The following UNKL variants were observed in gnomAD, a reference collection of about 807,000 sequenced individuals.
The protein encoded by UNKL is unk like zinc finger.
In UNKL, 60 loss-of-function variants were observed where a neutral mutation model predicts 78.0. The ratio of observed to expected loss-of-function variants is 0.77; its 90% CI spans 0.63 to 0.95. The LOEUF is 0.95. Ranked by LOEUF, UNKL falls within the 40% of genes least tolerant of loss-of-function variation. The pLI, the probability that UNKL is intolerant of heterozygous loss-of-function variation, is 0.00. For synonymous variants in UNKL, 608 were observed against 474.8 expected, an observed-to-expected ratio of 1.28 and a Z score of -3.65; for missense variants, 1,159 against 1,045.7, an observed-to-expected ratio of 1.11 and a Z score of -1.49.
chr16:1,393,529 G>A (rs577353982), intron 7 of UNKL, among the ~76,000 whole-genome samples: 161 of 152,334 alleles, frequency 1.1e-3, no homozygotes, highest in African/African-American at 3.2e-3. Context: ...GGCCGCGTGG[G>A]TTCCCACTGG....
chr16:1,410,055 G>C (rs1218641277), intron 2 of UNKL, among the ~76,000 whole-genome samples: 1 of 152,046 alleles, frequency 6.6e-6, no homozygotes, highest in Non-Finnish European at 1.5e-5. Flanking sequence ...CTCCAGTCTG[G>C]TAGATAAAGC....
intron 9 of UNKL, among the ~76,000 whole-genome samples, chr16:1,386,282 G>C (rs573773016): frequency 1.1e-4 from 17 of 152,280 alleles, no homozygotes; most frequent in African/African-American, 4.1e-4. Context: ...GCCGGGCGCG[G>C]TGGCTCACAC....
intron 10 of UNKL, among the ~76,000 whole-genome samples, chr16:1,381,219 A>C (rs2036594859): frequency 6.6e-6 from 1 of 152,180 alleles, no homozygotes. Context: ...TTTGGGATTT[A>C]ATTTTCCTAA....
chr16:1,398,702 G>T, intron 5 of UNKL: 1 of 899,818 alleles, frequency 1.1e-6, no homozygotes, highest in Admixed American at 6.3e-5. Flanking sequence ...CCCCTCTCAG[G>T]TGCAAACTGC....
intron 9 of UNKL, among the ~76,000 whole-genome samples, chr16:1,389,627 G>A (rs918649307): frequency 6.6e-6 from 1 of 152,178 alleles, no homozygotes; most frequent in Non-Finnish European, 1.5e-5. Flanking sequence ...ATGAGGTGTG[G>A]GGGCAGGGCC....
chr16:1,382,583 G>C (rs4984828), intron 10 of UNKL, among the ~76,000 whole-genome samples: 140,288 of 152,280 alleles, frequency 0.92, 64,719 homozygotes, highest in East Asian at 1. Context: ...GTGCACAACA[G>C]AGCCCACATA....
At chr16:1,383,656 G>C (rs951804575) in intron 10 of UNKL, 6 of 423,356 alleles carry the variant, frequency 1.4e-5, no homozygotes, top group African/African-American at 1.0e-4. Context: ...AGCTGGGCCT[G>C]AGCAGTTCCG....
At chr16:1,408,297 G>T (rs983993277) in intron 2 of UNKL, among the ~76,000 whole-genome samples, 8 of 152,182 alleles carry the variant, frequency 5.3e-5, no homozygotes, top group African/African-American at 1.9e-4. Flanking sequence ...TCCCACGGGG[G>T]CGGGGCTTCA....
At chr16:1,370,869 G>C (rs544038853) in intron 11 of UNKL, among the ~76,000 whole-genome samples, 1 of 152,222 alleles carries the variant, frequency 6.6e-6, no homozygotes, top group Non-Finnish European at 1.5e-5. Flanking sequence ...AGATCACGGG[G>C]TCAGGAGATG....
In UNKL at chr16:1,399,479, G is replaced by A. The variant is rs1026870029; in HGVS notation, c.629C>T (p.Thr210Met). 10 of 1,600,034 alleles carry A rather than the reference G, an allele frequency of 6.2e-6. No individual in the cohort carries two copies. Among genetic ancestry groups the A allele is most frequent in the South Asian group, 2.2e-5 (2 of 89,046 alleles). Residue 210 changes from threonine to methionine, a missense_variant, in exon 5 of 15, where the codon ACG (threonine) becomes ATG (methionine). Transcript: ENST00000389221. The surrounding 1 kb of genome is among the most constrained non-coding windows in gnomAD (Gnocchi z 5.8). ...GCGTGGCGGCTTCGGGCACTGCTCC[G>A]TCTTGTAGCTGCCCAGCACGAAGTT... is the stretch of plus-strand genomic sequence containing the variant. Reference protein sequence around the residue: ...DANFVLGSYKTEQCPKPPRLC... With the variant: ...DANFVLGSYKMEQCPKPPRLC...
chr16:1,406,583 A>G (rs2037774197), intron 2 of UNKL, among the ~76,000 whole-genome samples: 1 of 152,040 alleles, frequency 6.6e-6, no homozygotes. Context: ...CAAGCGATCC[A>G]CTTGCCTAGG....
intron 12 of UNKL, among the ~76,000 whole-genome samples, chr16:1,369,071 T>TTTTG (rs2035560853): frequency 7.6e-6 from 1 of 130,760 alleles, no homozygotes. Flanking sequence ...TTTTTTTTTT[T>TTTTG]TTTTTTTTTT....
chr16:1,397,693 CCCGACCCCCG>C lies in UNKL; in HGVS notation c.735-408_735-399del, dbSNP rs1206600579. 1.1e-3 allele frequency among the ~76,000 whole-genome samples: 15 copies of C among 13,220 alleles called. 1 individual carries two copies. Among genetic ancestry groups the C allele is most frequent in the African/African-American group, 6.6e-3 (15 of 2,282 alleles). 8.7% of individuals were successfully genotyped at this position (13,220 alleles called of 152,430 possible). On this transcript the variant is annotated intron_variant, in intron 5 of 14. Transcript: ENST00000389221. Reference sequence around the variant, plus strand: ...GACACAGAGGACTTGGCTCCCCCACCCCGACCCCCGTGCTTCACGCTGGGGCAGGGCATGG... The same window carrying C: ...GACACAGAGGACTTGGCTCCCCCACCTGCTTCACGCTGGGGCAGGGCATGG...
rs886051686 is a variant in UNKL, at chr16:1,363,296, T to A, written c.*2944A>T. On this transcript the variant is annotated 3_prime_UTR_variant, in exon 15 of 15. Coordinates refer to ENST00000389221, the MANE Select transcript of UNKL (RefSeq NM_001372107.1). Reference sequence around the variant, plus strand: ...GCATAAATGCTATAGTGTAAAAAAATTTAAACAAGTGTTAACTTTAAACAG... The same window carrying A: ...GCATAAATGCTATAGTGTAAAAAAAATTAAACAAGTGTTAACTTTAAACAG... 3.4e-6 allele frequency: 2 copies of A among 591,532 alleles called. No individual in the cohort carries two copies. The highest frequency in any genetic ancestry group is 6.0e-6 in the Non-Finnish European group (2 of 331,082). The allele number at this position is 591,532 out of a possible 1,614,324, so 36.6% of individuals were successfully genotyped here.
At position 1,366,197 on chromosome 16, in the gene UNKL, T is replaced by C. The variant is rs751287715; in HGVS notation, c.*43A>G. ...ACATGTCCGTGGTCAGGAGGAGCGC[T>C]GGAGCCAGGGTGCCCAGCAGGAGGT... is the stretch of plus-strand genomic sequence containing the variant. On this transcript the variant is annotated 3_prime_UTR_variant, in exon 15 of 15. Coordinates refer to ENST00000389221, the MANE Select transcript of UNKL (RefSeq NM_001372107.1). The C allele has an allele frequency of 3.4e-6, 5 of 1,462,832 alleles. No individual in the cohort carries two copies. Among genetic ancestry groups the C allele is most frequent in the East Asian group, 2.6e-5 (1 of 39,066 alleles). 90.6% of individuals were successfully genotyped at this position (1,462,832 alleles called of 1,614,324 possible).
chr16:1,407,929 G>T (rs894499068), intron 2 of UNKL, among the ~76,000 whole-genome samples: 1 of 152,032 alleles, frequency 6.6e-6, no homozygotes, highest in Non-Finnish European at 1.5e-5. Flanking sequence ...CTAGAGGCTG[G>T]GCATGGTGCC....
chr16:1,412,786 A>G (rs564104443), intron 2 of UNKL, among the ~76,000 whole-genome samples: 1 of 151,656 alleles, frequency 6.6e-6, no homozygotes, highest in Admixed American at 6.6e-5. Context: ...GGCCGGGCGC[A>G]GTGGATCATG....
chr16:1,396,762 T>G (rs1454036370), intron 6 of UNKL, among the ~76,000 whole-genome samples: 6 of 152,012 alleles, frequency 3.9e-5, no homozygotes, highest in Admixed American at 1.3e-4. Context: ...CCTGGCTGAT[T>G]TTTTGCATTT....
At chr16:1,390,976 G>A (rs1333592578) in intron 8 of UNKL, among the ~76,000 whole-genome samples, 2 of 152,094 alleles carry the variant, frequency 1.3e-5, no homozygotes, top group African/African-American at 2.4e-5. Flanking sequence ...GTTGCAGTGA[G>A]CCGAGATGGC....
Sources: allele counts gnomAD v4.1 joint callset (sites outside exome capture counted in the v4.1 genomes callset), GRCh38; gene constraint gnomAD v4.1.1; non-coding constraint Gnocchi (gnomAD v3.1); transcripts MANE v1.5; gene names NCBI Gene and HGNC (gene_info 2026-07-23, HGNC 2026-07-21).